Variants in NAALADL2 observed in about 807,000 individuals in gnomAD.
NAALADL2 encodes the protein inactive N-acetylated-alpha-linked acidic dipeptidase-like protein 2.
NAALADL2 carries 76 observed loss-of-function variants against 87.2 expected under a neutral mutation model. The observed-to-expected ratio is 0.87, with a 90% CI of 0.72 to 1.05. The LOEUF (loss-of-function observed/expected upper bound fraction) is 1.05, where lower values mean the gene tolerates loss of function less well. NAALADL2 is among the 50% of genes least tolerant of loss of function. The pLI, the probability that NAALADL2 is intolerant of heterozygous loss-of-function variation, is 0.00. For missense variants in NAALADL2, 1,089 were observed against 945.8 expected (o/e 1.15, Z -1.99); for synonymous variants, 354 against 331.0 (o/e 1.07, Z -0.75).
intron 1 of NAALADL2, among the ~76,000 whole-genome samples, chr3:174,885,839 G>GCCATCTGC (rs1730031086): frequency 8.9e-6 from 1 of 112,448 alleles, no homozygotes; most frequent in Non-Finnish European, 1.8e-5. Context: ...CCCACAATAG[G>GCCATCTGC]CCATCTGCTG....
chr3:175,345,725 T>A (rs985527352), intron 5 of NAALADL2, among the ~76,000 whole-genome samples: 1 of 152,092 alleles, frequency 6.6e-6, no homozygotes, highest in African/African-American at 2.4e-5. Context: ...AAGTCACCCA[T>A]GGCATTTATG....
intron 9 of NAALADL2, among the ~76,000 whole-genome samples, chr3:175,533,955 A>C (rs559318728): frequency 4.0e-5 from 6 of 151,882 alleles, no homozygotes; most frequent in African/African-American, 1.5e-4. Context: ...CATATGGTCA[A>C]AGGTATTATG....
intron 4 of NAALADL2, among the ~76,000 whole-genome samples, chr3:175,323,507 CTTATG>C (rs1049384549): frequency 8.8e-4 from 134 of 151,748 alleles, no homozygotes; most frequent in Middle Eastern, 3.4e-3. Flanking sequence ...AAAAAAGAAC[CTTATG>C]TATGGTAGAT....
intron 5 of NAALADL2, among the ~76,000 whole-genome samples, chr3:175,421,236 T>C (rs1275459032): frequency 4.6e-5 from 7 of 152,090 alleles, no homozygotes. Context: ...GTTATAAATA[T>C]GAAATACCAA....
rs186417139 is a variant in NAALADL2, at chr3:175,029,379, C to A, written c.44-67411C>A. Among the ~76,000 whole-genome samples the A allele has an allele frequency of 2.6e-3, 391 of 152,052 alleles. 3 individuals are homozygous for A. Among genetic ancestry groups the A allele is most frequent in the African/African-American group, 9.1e-3 (379 of 41,510 alleles). On this transcript the variant is annotated intron_variant, in intron 1 of 13. Coordinates refer to ENST00000454872, the MANE Select transcript of NAALADL2 (RefSeq NM_207015.3). ...TTAAAAATGGGGGACCCTAGTGAAC[C>A]TGAGTGACTGGTTTCTTGCCAAAGC...
chr3:175,334,452 C>G (rs1761770145), intron 5 of NAALADL2, among the ~76,000 whole-genome samples: 1 of 152,034 alleles, frequency 6.6e-6, no homozygotes, highest in Non-Finnish European at 1.5e-5. Flanking sequence ...GTTTATCTTT[C>G]CCCCTCAATC....
chr3:174,718,465 CACAG>C (rs2108942331), intron 2 of NAALADL2, among the ~76,000 whole-genome samples: 1 of 152,166 alleles, frequency 6.6e-6, no homozygotes, highest in South Asian at 2.1e-4. Flanking sequence ...ATTTTATTGA[CACAG>C]AAGCTGAGAG....
chr3:174,557,767 G>C (rs1713030735), intron 2 of NAALADL2, among the ~76,000 whole-genome samples: 1 of 151,962 alleles, frequency 6.6e-6, no homozygotes, highest in African/African-American at 2.4e-5. Context: ...GAAGTTTGAT[G>C]ATTTGCTAGG....
At chr3:175,595,927 A>AATC (rs1440577095) in intron 10 of NAALADL2, among the ~76,000 whole-genome samples, 2 of 152,004 alleles carry the variant, frequency 1.3e-5, no homozygotes, top group African/African-American at 4.8e-5. Flanking sequence ...GAGCCTGAAT[A>AATC]ATCTGAGAAA....
chr3:174,510,653 G>GT (rs528649692), intron 1 of NAALADL2, among the ~76,000 whole-genome samples: 3 of 151,564 alleles, frequency 2.0e-5, no homozygotes, highest in South Asian at 4.2e-4. Context: ...CCAGCTTTTG[G>GT]TTTTTTTGAT....
chr3:175,461,103 A>AT (rs999328404), intron 6 of NAALADL2, among the ~76,000 whole-genome samples: 15 of 151,950 alleles, frequency 9.9e-5, no homozygotes, highest in African/African-American at 3.1e-4. Context: ...TGATTGGTGC[A>AT]TTTTTACAGA....
Position 175,804,095 on chromosome 3 carries a change from G to T in NAALADL2, c.*892G>T, listed in dbSNP as rs755378782. 3 of 151,870 alleles carry T rather than the reference G, an allele frequency of 2.0e-5. No individual in the cohort carries two copies. The highest frequency in any genetic ancestry group is 2.9e-5 in the Non-Finnish European group (2 of 67,842). The allele number at this position is 151,870 out of a possible 1,614,324, so 9.4% of individuals were successfully genotyped here. ...TTCTGAAACTCCTTGCTGTAAGGCAGCTTTCTCAGAGTACTATATATTTTC... is the reference window on the plus strand; with the variant it reads ...TTCTGAAACTCCTTGCTGTAAGGCATCTTTCTCAGAGTACTATATATTTTC... On this transcript the variant is annotated 3_prime_UTR_variant, in exon 14 of 14. Transcript: ENST00000454872.
At chr3:174,894,326 C>T (rs1033784444) in intron 1 of NAALADL2, among the ~76,000 whole-genome samples, 4 of 152,004 alleles carry the variant, frequency 2.6e-5, no homozygotes, top group African/African-American at 9.7e-5. Flanking sequence ...CACAATGGCT[C>T]ACGCCTGTAA....
At chr3:174,663,355 A>C (rs925554235) in intron 2 of NAALADL2, among the ~76,000 whole-genome samples, 1 of 152,180 alleles carries the variant, frequency 6.6e-6, no homozygotes, top group African/African-American at 2.4e-5. Context: ...CATTGCTATA[A>C]AGGAAATACC....
intron 2 of NAALADL2, among the ~76,000 whole-genome samples, chr3:175,219,828 C>A (rs918788434): frequency 7.0e-6 from 1 of 142,074 alleles, no homozygotes; most frequent in Non-Finnish European, 1.5e-5. Context: ...TTGCTGAAGT[C>A]TTTTAAAATT....
At chr3:174,698,305 T>C (rs2108873483) in intron 2 of NAALADL2, among the ~76,000 whole-genome samples, 1 of 152,106 alleles carries the variant, frequency 6.6e-6, no homozygotes, top group South Asian at 2.1e-4. Context: ...TAAACTCTCA[T>C]AGATTTTATC....
intron 3 of NAALADL2, among the ~76,000 whole-genome samples, chr3:174,775,897 T>C (rs761581423): frequency 2.0e-5 from 3 of 152,168 alleles, no homozygotes; most frequent in Non-Finnish European, 4.4e-5. Flanking sequence ...ATCTGAGTGT[T>C]ATACGTAACA....
intron 4 of NAALADL2, among the ~76,000 whole-genome samples, chr3:175,306,961 T>C (rs1353924533): frequency 6.6e-6 from 1 of 152,190 alleles, no homozygotes; most frequent in Non-Finnish European, 1.5e-5. Context: ...AGACTTGTGG[T>C]AGGCCCACTG....
chr3:174,823,911 A>G (rs973167962), intron 3 of NAALADL2, among the ~76,000 whole-genome samples: 2 of 152,134 alleles, frequency 1.3e-5, no homozygotes, highest in African/African-American at 2.4e-5. Context: ...AGATTTCACT[A>G]TGTTGGCCAG....
Sources: gnomAD v4.1 joint callset for allele counts (sites outside exome capture counted in the v4.1 genomes callset) on GRCh38, gnomAD v4.1.1 for gene constraint, MANE v1.5 for transcripts, NCBI Gene and HGNC (gene_info 2026-07-23, HGNC 2026-07-21) for gene names.